Variants in STRA8 observed in about 807,000 individuals in gnomAD.
The protein encoded by STRA8 is stimulated by retinoic acid gene 8 protein homolog.
STRA8 carries 18 observed loss-of-function variants against 37.1 expected under a neutral mutation model. The observed-to-expected ratio is 0.48, with a 90% CI of 0.34 to 0.72. The LOEUF (loss-of-function observed/expected upper bound fraction) is 0.72, where lower values mean the gene tolerates loss of function less well. Ranked by LOEUF, STRA8 falls within the 30% of genes least tolerant of loss-of-function variation. The pLI is 0.01. For synonymous variants in STRA8, 168 were observed against 162.9 expected, an observed-to-expected ratio of 1.03 and a Z score of -0.24; for missense variants, 357 against 410.4, an observed-to-expected ratio of 0.87 and a Z score of 1.13.
At chr7:135,250,755 AC>A (rs1406240470) in intron 6 of STRA8, among the ~76,000 whole-genome samples, 1 of 152,244 alleles carries the variant, frequency 6.6e-6, no homozygotes, top group Non-Finnish European at 1.5e-5. Flanking sequence ...TAATACAAAA[AC>A]GTCCCATGCA....
At chr7:135,258,356 A>G (rs1017552194) in intron 8 of STRA8, 62 bp from the exon 9 acceptor site, 1 of 1,415,258 alleles carries the variant, frequency 7.1e-7, no homozygotes. Context: ...GAGCCTTCCT[A>G]TCTGCCTCGG....
At chr7:135,248,158 T>A (rs1181434292) in intron 6 of STRA8, among the ~76,000 whole-genome samples, 1 of 152,220 alleles carries the variant, frequency 6.6e-6, no homozygotes, top group Non-Finnish European at 1.5e-5. Context: ...CTCCGTTTTT[T>A]AGAAGGTTCC....
chr7:135,251,883 T>C lies in STRA8; in HGVS notation c.953+14T>C, dbSNP rs1230014945. 8 of 1,613,136 alleles carry C rather than the reference T, an allele frequency of 5.0e-6. No homozygotes were observed. Among genetic ancestry groups the C allele is most frequent in the Non-Finnish European group, 5.9e-6 (7 of 1,179,508 alleles). Reference sequence around the variant, plus strand: ...ATCTAGCTCCAGGTGAGGAAGAGGGTGTGAGATAGCATGTGCCCCTGTGTG... The same window carrying C: ...ATCTAGCTCCAGGTGAGGAAGAGGGCGTGAGATAGCATGTGCCCCTGTGTG... On this transcript the variant is annotated intron_variant, in intron 7 of 8. Transcript: ENST00000662584.
intron 3 of STRA8, 53 bp downstream of exon 3, chr7:135,242,909 C>G: frequency 6.4e-7 from 1 of 1,572,382 alleles, no homozygotes; most frequent in Non-Finnish European, 8.7e-7. Flanking sequence ...AAAACTGGAT[C>G]TGTTTTTCTA....
At chr7:135,237,619 C>T (rs968731516) in intron 1 of STRA8, among the ~76,000 whole-genome samples, 1 of 152,132 alleles carries the variant, frequency 6.6e-6, no homozygotes, top group Non-Finnish European at 1.5e-5. Context: ...GTCCACCGGG[C>T]GTGGTGGCTC....
At chr7:135,249,688 C>G (rs149427788) in intron 6 of STRA8, among the ~76,000 whole-genome samples, 41 of 152,352 alleles carry the variant, frequency 2.7e-4, no homozygotes, top group African/African-American at 9.6e-4. Context: ...TTTCTCAGAA[C>G]TTATCCCCAT....
Position 135,240,616 on chromosome 7 carries a change from G to A in STRA8, c.92G>A (p.Arg31Gln), listed in dbSNP as rs762351840. 26 of 1,614,022 alleles carry A rather than the reference G, an allele frequency of 1.6e-5. No homozygotes were observed. Among genetic ancestry groups the A allele is most frequent in the South Asian group, 1.1e-4 (10 of 91,088 alleles). The stretch of plus-strand genomic sequence containing the variant: ...CAGGAGCTTGAGCATCGGGTGGCCC[G>A]GAGACGGCTGTCCCAGGCCCGCCAC... ...QLQELEHRVA[R>Q]RRLSQARHRA... Residue 31 changes from arginine (R) to glutamine (Q), a missense_variant, in exon 2 of 9, where the codon CGG becomes CAG. Arg to Gln is a conservative substitution (Grantham distance 43, BLOSUM62 1). Transcript: ENST00000662584.
chr7:135,240,083 T>G (rs892863640), intron 1 of STRA8, among the ~76,000 whole-genome samples: 4 of 152,080 alleles, frequency 2.6e-5, no homozygotes, highest in Admixed American at 6.5e-5. Context: ...AAGCCTGAGA[T>G]CTCAGGGTAC....
intron 6 of STRA8, among the ~76,000 whole-genome samples, chr7:135,249,799 A>G (rs920476214): frequency 7.2e-5 from 11 of 152,236 alleles, no homozygotes; most frequent in African/African-American, 2.4e-4. Flanking sequence ...ACATCCAAAG[A>G]GAAAACAACC....
chr7:135,234,109 T>TG (rs552118624), intron 1 of STRA8, among the ~76,000 whole-genome samples: 2 of 150,970 alleles, frequency 1.3e-5, no homozygotes, highest in African/African-American at 4.9e-5. Context: ...TGATGATTAT[T>TG]ATTATTATCA....
chr7:135,247,927 C>G (rs1042015989), intron 6 of STRA8, among the ~76,000 whole-genome samples: 11 of 152,244 alleles, frequency 7.2e-5, no homozygotes, highest in Non-Finnish European at 1.5e-5. Context: ...AGCCCAGGCG[C>G]AGCCGATTCG....
rs756560281 is a variant in STRA8 at position 135,255,202 on chromosome 7, T to A, written c.1042T>A (p.Cys348Ser). Residue 348 changes from cysteine (C) to serine (S), a missense_variant, in exon 8 of 9, where the codon TGT (cysteine) becomes AGT (serine). Physicochemically the swap from Cys to Ser is moderately radical, Grantham distance 112. Coordinates refer to ENST00000662584, the MANE Select transcript of STRA8 (RefSeq NM_001394401.1). ...QIINFFKGLS[C>S]ANTQVKQEAS... ...CATCAACTTTTTTAAAGGCCTTAGC[T>A]GTGCAAACACTCAAGTAAAGCAGGT... The A allele has an allele frequency of 6.2e-7, 1 of 1,613,870 alleles. No individual in the cohort carries two copies. The highest frequency in any genetic ancestry group is 8.5e-7 in the Non-Finnish European group (1 of 1,179,780).
At chr7:135,233,731 C>T (rs1832325464), upstream of STRA8, among the ~76,000 whole-genome samples, 1 of 152,192 alleles carries the variant, frequency 6.6e-6, no homozygotes, top group Non-Finnish European at 1.5e-5. Context: ...CCCGTCACCA[C>T]GCATCCCCAT....
At chr7:135,234,727 T>C (rs1832345503) in intron 1 of STRA8, among the ~76,000 whole-genome samples, 1 of 152,246 alleles carries the variant, frequency 6.6e-6, no homozygotes, top group South Asian at 2.1e-4. Flanking sequence ...AATAAAAATA[T>C]GTCATGTGAC....
intron 7 of STRA8, among the ~76,000 whole-genome samples, chr7:135,253,272 G>A (rs1832661281): frequency 6.6e-6 from 1 of 152,096 alleles, no homozygotes; most frequent in South Asian, 2.1e-4. Flanking sequence ...CCCATCATGA[G>A]GGGCCCATCT....
intron 8 of STRA8, 34 bp downstream of exon 8, chr7:135,255,259 C>T (rs369274926): frequency 6.5e-6 from 10 of 1,528,146 alleles, no homozygotes; most frequent in South Asian, 2.2e-5. Flanking sequence ...GTACCTCTGC[C>T]CACCTTGCTT....
At position 135,234,695 on chromosome 7, in the gene STRA8, C is replaced by T. The variant is rs545032917; in HGVS notation, c.-7+792C>T. 3.3e-5 allele frequency among the ~76,000 whole-genome samples: 5 copies of T among 152,242 alleles called. No individual in the cohort carries two copies. The South Asian group carries it at 6.2e-4, about 19-fold the overall frequency. On this transcript the variant is annotated intron_variant, in intron 1 of 8. Coordinates refer to ENST00000662584, the MANE Select transcript of STRA8 (RefSeq NM_001394401.1). ...GAAAATATGTGGTAATGAAAGTATG[C>T]TCTGCTTTATAGAGGACAATTAATA...
intron 1 of STRA8, among the ~76,000 whole-genome samples, chr7:135,237,944 T>G (rs1585467060): frequency 6.6e-6 from 1 of 151,870 alleles, no homozygotes; most frequent in Non-Finnish European, 1.5e-5. Flanking sequence ...AAGATCTACC[T>G]AAGACCCTGT....
rs1459203977 is a variant in STRA8 at position 135,258,546 on chromosome 7, G to T, written c.*54G>T. ...CTGAATGAGGTGGGCAGTTCCCAAG[G>T]TTGAATGCTGGCAGCTAAGGTTGCA... On this transcript the variant is annotated 3_prime_UTR_variant, in exon 9 of 9. Coordinates refer to ENST00000662584, the MANE Select transcript of STRA8 (RefSeq NM_001394401.1). The T allele has an allele frequency of 1.3e-5, 19 of 1,478,508 alleles. No homozygotes were observed. The highest frequency in any genetic ancestry group is 1.8e-5 in the Non-Finnish European group (19 of 1,081,640). The allele number at this position is 1,478,508 out of a possible 1,614,324, so 91.6% of individuals were successfully genotyped here. A position where few individuals can be genotyped will look rare whatever the true frequency, so the allele number is the denominator to read the frequency against.
Sources: gnomAD v4.1 joint callset for allele counts (sites outside exome capture counted in the v4.1 genomes callset) on GRCh38, gnomAD v4.1.1 for gene constraint, MANE v1.5 for transcripts, NCBI Gene and HGNC (gene_info 2026-07-23, HGNC 2026-07-21) for gene names.